Variants in KBTBD12 observed in about 807,000 individuals in gnomAD.
KBTBD12 encodes the protein kelch repeat and BTB domain containing 12.
A neutral mutation model predicts 58.7 loss-of-function variants in KBTBD12; 53 were observed. That is an observed-to-expected ratio of 0.90 (90% confidence interval 0.72 to 1.14). KBTBD12 has a LOEUF of 1.14. KBTBD12 is among the 50% of genes most tolerant of loss of function. The pLI, the probability that KBTBD12 is intolerant of heterozygous loss-of-function variation, is 0.00. For missense variants in KBTBD12, 704 were observed against 751.3 expected (o/e 0.94, Z 0.74); for synonymous variants, 236 against 259.8 (o/e 0.91, Z 0.88).
chr3:127,934,409 G>GA (rs1939777124), intron 4 of KBTBD12, among the ~76,000 whole-genome samples: 1 of 152,030 alleles, frequency 6.6e-6, no homozygotes. Flanking sequence ...GAAGAAGAGA[G>GA]AAAAAATTGG....
chr3:127,975,860 C>A (rs1940775047), intron 5 of KBTBD12, among the ~76,000 whole-genome samples: 1 of 152,178 alleles, frequency 6.6e-6, no homozygotes. Context: ...CTGCTGTTTG[C>A]AACATTGACA....
At chr3:127,978,921 C>T (rs1174724619) in intron 5 of KBTBD12, among the ~76,000 whole-genome samples, 1 of 152,160 alleles carries the variant, frequency 6.6e-6, no homozygotes, top group African/African-American at 2.4e-5. Context: ...AGATTGCAGA[C>T]AGGAGGGAGC....
intron 4 of KBTBD12, among the ~76,000 whole-genome samples, chr3:127,950,056 A>G (rs773817673): frequency 2.6e-5 from 4 of 152,102 alleles, no homozygotes; most frequent in South Asian, 2.1e-4. Context: ...TTATAGTTTG[A>G]CCCACTGGGT....
intron 1 of KBTBD12, among the ~76,000 whole-genome samples, chr3:127,917,976 A>C (rs1939296084): frequency 1.3e-5 from 2 of 151,924 alleles, no homozygotes; most frequent in African/African-American, 4.8e-5. Context: ...TTGGGAGGCC[A>C]GGTCAGGAGG....
At chr3:127,946,299 C>T (rs1486766628) in intron 4 of KBTBD12, among the ~76,000 whole-genome samples, 2 of 151,988 alleles carry the variant, frequency 1.3e-5, no homozygotes, top group African/African-American at 4.8e-5. Flanking sequence ...TTCTTTAATA[C>T]TTATGGTAGT....
chr3:127,984,962 GCTAGC>G lies in KBTBD12; in HGVS notation c.*685_*689del, dbSNP rs1940939989. The stretch of plus-strand genomic sequence containing the variant: ...TGAAGCAACGCCACCCAGCAGCAGG[GCTAGC>G]TGTACTACCAGCCCCTAACAACCAA... On this transcript the variant is annotated 3_prime_UTR_variant, in exon 6 of 6. Coordinates refer to ENST00000405109, the MANE Select transcript of KBTBD12 (RefSeq NM_207335.4). 6.6e-6 allele frequency: 1 copy of G among 152,510 alleles called. No individual in the cohort carries two copies. Among genetic ancestry groups the G allele is most frequent in the Admixed American group, 6.5e-5 (1 of 15,276 alleles). The allele number at this position is 152,510 out of a possible 1,614,324, so 9.4% of individuals were successfully genotyped here.
Position 127,923,577 on chromosome 3 carries a change from C to A in KBTBD12, c.516C>A (p.Ile172=), listed in dbSNP as rs565185648. ...GCTTACATGAAGAAATACTAGAAAT[C>A]GAAGTGCACCAATTTTTGACACTTA... ...EVSLHEEILE[I]EVHQFLTLIK... The change falls in exon 2 of 6, where the codon ATC becomes ATA. Residue 172 remains isoleucine (I), a synonymous_variant. Transcript: ENST00000405109. The A allele has an allele frequency of 6.2e-7, 1 of 1,613,340 alleles. No individual in the cohort carries two copies. Among genetic ancestry groups the A allele is most frequent in the South Asian group, 1.1e-5 (1 of 91,010 alleles).
chr3:127,974,271 C>A (rs1940736536), intron 5 of KBTBD12, among the ~76,000 whole-genome samples: 1 of 152,212 alleles, frequency 6.6e-6, no homozygotes, highest in Non-Finnish European at 1.5e-5. Flanking sequence ...GAATCCCTTG[C>A]AGGAGGCATC....
intron 5 of KBTBD12, among the ~76,000 whole-genome samples, chr3:127,972,506 T>C (rs1940702888): frequency 6.6e-6 from 1 of 152,192 alleles, no homozygotes; most frequent in African/African-American, 2.4e-5. Flanking sequence ...ACCCCAAAGA[T>C]ACACATACAA....
intron 4 of KBTBD12, among the ~76,000 whole-genome samples, chr3:127,939,755 C>CA (rs1353882841): frequency 6.6e-6 from 1 of 151,438 alleles, no homozygotes; most frequent in Non-Finnish European, 1.5e-5. Context: ...AATCTAGCCA[C>CA]AAAAATAATT....
chr3:127,937,525 AT>A (rs1170635381), intron 4 of KBTBD12, among the ~76,000 whole-genome samples: 3 of 152,162 alleles, frequency 2.0e-5, no homozygotes, highest in South Asian at 2.1e-4. Context: ...CATCACAAAG[AT>A]TTTTTTTAAG....
intron 5 of KBTBD12, among the ~76,000 whole-genome samples, 177 bp from the exon 6 acceptor site, chr3:127,983,920 G>A (rs979463478): frequency 6.6e-6 from 1 of 152,124 alleles, no homozygotes; most frequent in Non-Finnish European, 1.5e-5. Flanking sequence ...CACCAGAATC[G>A]TGAGCCAAGT....
intron 5 of KBTBD12, among the ~76,000 whole-genome samples, chr3:127,972,497 C>A (rs528479208): frequency 6.6e-6 from 1 of 152,174 alleles, no homozygotes; most frequent in Non-Finnish European, 1.5e-5. Context: ...CCATGTTAAA[C>A]CCCAAAGATA....
At chr3:127,938,658 C>T (rs1036242064) in intron 4 of KBTBD12, among the ~76,000 whole-genome samples, 4 of 152,052 alleles carry the variant, frequency 2.6e-5, no homozygotes, top group Non-Finnish European at 5.9e-5. Context: ...GAAAACCAAC[C>T]GTATTCTGTT....
intron 4 of KBTBD12, among the ~76,000 whole-genome samples, chr3:127,934,400 A>G (rs1222417004): frequency 6.6e-6 from 1 of 152,158 alleles, no homozygotes; most frequent in African/African-American, 2.4e-5. Flanking sequence ...ATATAATCTG[A>G]AGAAGAGAGA....
intron 5 of KBTBD12, among the ~76,000 whole-genome samples, chr3:127,981,169 C>A (rs1489121887): frequency 2.6e-5 from 4 of 152,164 alleles, no homozygotes; most frequent in Non-Finnish European, 5.9e-5. Context: ...TGCACATAAT[C>A]CCTTACTATT....
chr3:127,916,062 C>T (rs1038505915), intron 1 of KBTBD12, among the ~76,000 whole-genome samples: 42 of 152,198 alleles, frequency 2.8e-4, no homozygotes, highest in African/African-American at 1.0e-3. Context: ...CCTACATTTT[C>T]CCCCAAATGA....
intron 1 of KBTBD12, among the ~76,000 whole-genome samples, chr3:127,918,932 C>G (rs1939329124): frequency 6.6e-6 from 1 of 152,094 alleles, no homozygotes; most frequent in South Asian, 2.1e-4. Context: ...TAACTTTATA[C>G]ACGGTAGTGA....
chr3:127,983,040 G>A (rs956023150), intron 5 of KBTBD12, among the ~76,000 whole-genome samples: 2 of 152,202 alleles, frequency 1.3e-5, no homozygotes. Context: ...CTCCTCTATG[G>A]GGGTGGAAAT....
Sources: allele counts gnomAD v4.1 joint callset (sites outside exome capture counted in the v4.1 genomes callset), GRCh38; gene constraint gnomAD v4.1.1; transcripts MANE v1.5; gene names NCBI Gene and HGNC (gene_info 2026-07-23, HGNC 2026-07-21).